The following ANKRD44 variants were observed in gnomAD, a reference collection of about 807,000 sequenced individuals.
ANKRD44 encodes serine/threonine-protein phosphatase 6 regulatory ankyrin repeat subunit B.
ANKRD44 carries 35 observed loss-of-function variants against 116.0 expected under a neutral mutation model. The ratio of observed to expected loss-of-function variants is 0.30; its 90% CI spans 0.23 to 0.40. The LOEUF (loss-of-function observed/expected upper bound fraction) is 0.40. Ranked by LOEUF, ANKRD44 falls within the 10% of genes least tolerant of loss-of-function variation. ANKRD44 has a pLI of 1.00. For synonymous variants in ANKRD44, 435 were observed against 461.8 expected (o/e 0.94, Z 0.74); for missense variants, 1,014 against 1,242.6 (o/e 0.82, Z 2.77).
intron 1 of ANKRD44, among the ~76,000 whole-genome samples, chr2:197,252,549 G>T (rs1056858583): frequency 1.3e-5 from 2 of 152,120 alleles, no homozygotes; most frequent in African/African-American, 4.8e-5. Context: ...TGGGACTACA[G>T]GCGCCCGCCA....
At chr2:197,299,071 A>C (rs2083814304) in intron 1 of ANKRD44, among the ~76,000 whole-genome samples, 1 of 152,204 alleles carries the variant, frequency 6.6e-6, no homozygotes, top group African/African-American at 2.4e-5. Flanking sequence ...TATCTCAAAG[A>C]AGTGTGCTTT....
chr2:197,042,816 T>A, intron 16 of ANKRD44, among the ~76,000 whole-genome samples: 1 of 152,152 alleles, frequency 6.6e-6, no homozygotes, highest in South Asian at 2.1e-4. Flanking sequence ...GCATTTTCAG[T>A]AAATGCAAGG....
At chr2:197,015,892 C>A (rs1003645810) in intron 17 of ANKRD44, 20 of 515,830 alleles carry the variant, frequency 3.9e-5, no homozygotes, top group Non-Finnish European at 7.5e-5. Flanking sequence ...TTATAGTGGG[C>A]GACAGCAATC....
At chr2:196,998,231 T>A in intron 25 of ANKRD44, 106 bp downstream of exon 25, 1 of 827,004 alleles carries the variant, frequency 1.2e-6, no homozygotes, top group Non-Finnish European at 1.9e-6. Flanking sequence ...AAAATGTACA[T>A]CTTAATTAAG....
intron 1 of ANKRD44, among the ~76,000 whole-genome samples, chr2:197,244,297 T>C (rs2082146141): frequency 6.6e-6 from 1 of 152,156 alleles, no homozygotes; most frequent in Non-Finnish European, 1.5e-5. Flanking sequence ...ATGGGAAAAT[T>C]GAGTTAAATT....
chr2:197,295,232 G>A (rs1309408049), intron 1 of ANKRD44, among the ~76,000 whole-genome samples: 1 of 152,136 alleles, frequency 6.6e-6, no homozygotes, highest in Non-Finnish European at 1.5e-5. Context: ...TGTAGCACTC[G>A]ATTTCTGAAG....
intron 16 of ANKRD44, chr2:197,078,063 C>T (rs909242069): frequency 6.6e-6 from 1 of 152,114 alleles, no homozygotes; most frequent in Non-Finnish European, 1.5e-5. Flanking sequence ...TCCTGAGTTT[C>T]TAGACTATGA....
chr2:197,078,603 C>G (rs757005944), intron 16 of ANKRD44, 100 bp downstream of exon 16: 1 of 1,538,926 alleles, frequency 6.5e-7, no homozygotes, highest in African/African-American at 1.4e-5. Context: ...ACTTTTTACA[C>G]AAGCCAGAGC....
chr2:197,227,579 AC>A lies in ANKRD44; in HGVS notation c.28-40474del, dbSNP rs1369680563. ...AATTCTACTAAACTATTTTAAAATA[AC>A]CCAAAAAGTGTTTGTTTTACCAAAA... is the stretch of plus-strand genomic sequence containing the variant. On this transcript the variant is annotated intron_variant, in intron 1 of 27. Transcript: ENST00000282272. Among the ~76,000 whole-genome samples the A allele has an allele frequency of 2.7e-5, 4 of 148,464 alleles. No individual in the cohort carries two copies. In the East Asian group the frequency reaches 7.8e-4, roughly 29 times the overall value.
At chr2:197,221,847 G>C (rs2081592893) in intron 1 of ANKRD44, among the ~76,000 whole-genome samples, 1 of 152,206 alleles carries the variant, frequency 6.6e-6, no homozygotes, top group Non-Finnish European at 1.5e-5. Context: ...CAAAAAGTCA[G>C]AGAGGCAACC....
Position 196,993,579 on chromosome 2 carries a change from T to C in ANKRD44, c.2923+4A>G. ...TGCAGTCGCTGTTGACTTTTTCCAC[T>C]TACCATTTTCATCTACAGCAAGTAC... On this transcript the variant is annotated splice_donor_region_variant and intron_variant, in intron 27 of 27. Coordinates refer to ENST00000282272, the MANE Select transcript of ANKRD44 (RefSeq NM_001195144.2). 6.5e-7 allele frequency: 1 copy of C among 1,550,052 alleles called. No individual in the cohort carries two copies. Among genetic ancestry groups the C allele is most frequent in the Non-Finnish European group, 8.7e-7 (1 of 1,146,382 alleles).
intron 2 of ANKRD44, among the ~76,000 whole-genome samples, chr2:197,168,621 C>T (rs2080155808): frequency 6.6e-6 from 1 of 152,188 alleles, no homozygotes; most frequent in African/African-American, 2.4e-5. Context: ...ATTGCTCCTT[C>T]TCCTCCTCTA....
intron 4 of ANKRD44, chr2:197,134,508 C>A: frequency 6.6e-6 from 1 of 152,164 alleles, no homozygotes; most frequent in Middle Eastern, 3.2e-3. Flanking sequence ...ACTAAAGATA[C>A]TTACAGAATG....
Position 196,989,539 on chromosome 2 carries a change from C to T in ANKRD44, c.*52G>A, listed in dbSNP as rs867463033. 6.8e-5 allele frequency: 95 copies of T among 1,390,598 alleles called. No individual in the cohort carries two copies. Among genetic ancestry groups the T allele is most frequent in the Middle Eastern group, 1.9e-4 (1 of 5,322 alleles). 86.1% of individuals were successfully genotyped at this position (1,390,598 alleles called of 1,614,324 possible). ...ACACACACACATATATATATATATA[C>T]ACACGCACACATATATGTGTGCATG... On this transcript the variant is annotated 3_prime_UTR_variant, in exon 28 of 28. Transcript: ENST00000282272.
intron 7 of ANKRD44, 31 bp from the exon 8 acceptor site, chr2:197,121,575 A>C: frequency 6.3e-7 from 1 of 1,584,554 alleles, no homozygotes; most frequent in Non-Finnish European, 8.7e-7. Context: ...GGGTGATTAA[A>C]GTCATTAGAG....
intron 1 of ANKRD44, among the ~76,000 whole-genome samples, chr2:197,204,880 G>A (rs995412656): frequency 5.9e-5 from 9 of 152,178 alleles, no homozygotes; most frequent in African/African-American, 1.7e-4. Flanking sequence ...TGTGTCTCTA[G>A]AAGGCAGAAC....
chr2:196,991,114 G>A lies in ANKRD44; in HGVS notation c.2924-1465C>T, dbSNP rs147351515. ...GGGTGAGGCTAGAGGGGGAGGGAGG[G>A]GGAGACATTTTATGGAGGGCTTTTT... On this transcript the variant is annotated intron_variant, in intron 27 of 27. Transcript: ENST00000282272. Among the ~76,000 whole-genome samples the A allele has an allele frequency of 3.3e-5, 5 of 152,250 alleles. No individual in the cohort carries two copies. In the East Asian group the frequency reaches 9.6e-4, roughly 29 times the overall value.
At chr2:197,163,186 G>C (rs1411685347) in intron 2 of ANKRD44, among the ~76,000 whole-genome samples, 2 of 152,212 alleles carry the variant, frequency 1.3e-5, no homozygotes, top group Non-Finnish European at 2.9e-5. Flanking sequence ...TTAGAGCCAT[G>C]ACTTGAACCT....
At chr2:197,169,926 A>C (rs77426236) in intron 2 of ANKRD44, among the ~76,000 whole-genome samples, 7,861 of 152,196 alleles carry the variant, frequency 0.052, 684 homozygotes, top group African/African-American at 0.18. Context: ...TACGTGGTTC[A>C]TGCCTGTAAT....
Sources: gnomAD v4.1 joint callset for allele counts (sites outside exome capture counted in the v4.1 genomes callset) on GRCh38, gnomAD v4.1.1 for gene constraint, MANE v1.5 for transcripts, NCBI Gene and HGNC (gene_info 2026-07-23, HGNC 2026-07-21) for gene names.